The following STX8 variants were observed in gnomAD, a reference collection of about 807,000 sequenced individuals.
STX8 encodes the protein syntaxin 8, also known as syntaxin-8.
In STX8, 23 loss-of-function variants were observed where a neutral mutation model predicts 37.5. The observed-to-expected ratio is 0.61, with a 90% CI of 0.44 to 0.87. The LOEUF (loss-of-function observed/expected upper bound fraction) is 0.87, where lower values mean the gene tolerates loss of function less well. Ranked by LOEUF, STX8 falls within the 40% of genes least tolerant of loss-of-function variation. The probability of loss-of-function intolerance (pLI) is 0.00; values close to 1 mark genes in which losing one functional copy is unlikely to be tolerated. For synonymous variants in STX8, 115 were observed against 99.1 expected, an observed-to-expected ratio of 1.16 and a Z score of -0.95; for missense variants, 313 against 284.7, an observed-to-expected ratio of 1.10 and a Z score of -0.71.
At chr17:9,529,707 T>A (rs1227256426) in intron 4 of STX8, among the ~76,000 whole-genome samples, 1 of 152,202 alleles carries the variant, frequency 6.6e-6, no homozygotes, top group Non-Finnish European at 1.5e-5. Context: ...ATCCATAGTG[T>A]GGTGTACAGT....
At chr17:9,544,344 C>T (rs544795014) in intron 4 of STX8, among the ~76,000 whole-genome samples, 1 of 152,078 alleles carries the variant, frequency 6.6e-6, no homozygotes, top group African/African-American at 2.4e-5. Context: ...AAGCCCGACC[C>T]GTCCTCCAGG....
At chr17:9,409,794 A>T (rs555732940) in intron 6 of STX8, among the ~76,000 whole-genome samples, 1 of 130,844 alleles carries the variant, frequency 7.6e-6, no homozygotes. Context: ...CACTGGGGGG[A>T]AAAAAAGCCA....
intron 7 of STX8, among the ~76,000 whole-genome samples, chr17:9,343,976 T>C (rs866626507): frequency 6.6e-6 from 1 of 152,110 alleles, no homozygotes; most frequent in South Asian, 2.1e-4. Context: ...AAAGAGTAAA[T>C]AGGTTACATG....
intron 5 of STX8, among the ~76,000 whole-genome samples, chr17:9,500,221 A>G (rs1327969616): frequency 6.6e-6 from 1 of 152,240 alleles, no homozygotes; most frequent in Non-Finnish European, 1.5e-5. Context: ...CTTCTGCCCA[A>G]GATGGACTGA....
chr17:9,428,803 C>A (rs922664597), intron 6 of STX8, among the ~76,000 whole-genome samples: 1 of 152,084 alleles, frequency 6.6e-6, no homozygotes, highest in Non-Finnish European at 1.5e-5. Context: ...TTACCTTGTA[C>A]TTACAGTACA....
chr17:9,251,719 G>C (rs1484527092), intron 7 of STX8, among the ~76,000 whole-genome samples: 1 of 152,230 alleles, frequency 6.6e-6, no homozygotes, highest in Non-Finnish European at 1.5e-5. Context: ...GTGAACATAA[G>C]AGTCCAATTT....
intron 7 of STX8, among the ~76,000 whole-genome samples, chr17:9,253,595 G>GCTCA (rs1906673385): frequency 6.6e-6 from 1 of 152,114 alleles, no homozygotes. Flanking sequence ...CAGGGCCTGG[G>GCTCA]CTCACCCTAA....
At chr17:9,347,566 A>G (rs926887381) in intron 7 of STX8, among the ~76,000 whole-genome samples, 1 of 152,122 alleles carries the variant, frequency 6.6e-6, no homozygotes, top group Non-Finnish European at 1.5e-5. Context: ...CCCAGACTGG[A>G]GTGCAGTGGC....
intron 7 of STX8, among the ~76,000 whole-genome samples, chr17:9,264,342 T>A (rs1907152990): frequency 6.6e-6 from 1 of 152,208 alleles, no homozygotes; most frequent in Non-Finnish European, 1.5e-5. Context: ...TCTTACTCTG[T>A]CGCCCAGGCT....
At chr17:9,380,490 G>T (rs922907474) in intron 6 of STX8, among the ~76,000 whole-genome samples, 2 of 150,892 alleles carry the variant, frequency 1.3e-5, no homozygotes, top group Non-Finnish European at 3.0e-5. Context: ...CTGGCCTCAA[G>T]AGATCCTCTT....
At chr17:9,553,416 T>C (rs546634323) in intron 3 of STX8, 1 of 152,358 alleles carries the variant, frequency 6.6e-6, no homozygotes, top group African/African-American at 2.4e-5. Flanking sequence ...AATTTCATTG[T>C]TTAGAAAGCA....
At chr17:9,338,940 G>A (rs375400733) in intron 7 of STX8, among the ~76,000 whole-genome samples, 2 of 151,814 alleles carry the variant, frequency 1.3e-5, no homozygotes, top group African/African-American at 2.4e-5. Flanking sequence ...TTGTGGTGGC[G>A]GGTGCCTGTA....
At chr17:9,458,704 G>A (rs891604090) in intron 6 of STX8, among the ~76,000 whole-genome samples, 3 of 152,190 alleles carry the variant, frequency 2.0e-5, no homozygotes, top group Non-Finnish European at 4.4e-5. Flanking sequence ...TTAGAGGACT[G>A]ACTGCTCTTC....
rs1010090954 is a variant in STX8 at position 9,265,242 on chromosome 17, G to A, written c.644-14597C>T. Among the ~76,000 whole-genome samples, 14 of 152,216 alleles carry A rather than the reference G, an allele frequency of 9.2e-5. 1 individual carries two copies. Among genetic ancestry groups the A allele is most frequent in the African/African-American group, 3.1e-4 (13 of 41,532 alleles). ...ATTAATACTATAGATGTCCTAAAGA[G>A]TCAAAGTGAATATGAGATGGGCTCC... On this transcript the variant is annotated intron_variant, in intron 7 of 7. Transcript: ENST00000306357.
At chr17:9,509,752 C>T (rs1904963641) in intron 4 of STX8, among the ~76,000 whole-genome samples, 1 of 151,414 alleles carries the variant, frequency 6.6e-6, no homozygotes. Flanking sequence ...AATAAAATGA[C>T]AAGATAAGTC....
intron 6 of STX8, among the ~76,000 whole-genome samples, chr17:9,423,155 T>C (rs1567553741): frequency 6.6e-6 from 1 of 152,238 alleles, no homozygotes; most frequent in Non-Finnish European, 1.5e-5. Flanking sequence ...CGTTCACTTT[T>C]CATTTTGTAC....
At chr17:9,328,273 G>T (rs1423611822) in intron 7 of STX8, among the ~76,000 whole-genome samples, 1 of 149,012 alleles carries the variant, frequency 6.7e-6, no homozygotes, top group East Asian at 1.9e-4. Flanking sequence ...AGTTTCTATG[G>T]CCTGCCTTGA....
At chr17:9,447,173 A>C (rs1285298640) in intron 6 of STX8, among the ~76,000 whole-genome samples, 2 of 152,170 alleles carry the variant, frequency 1.3e-5, no homozygotes, top group Non-Finnish European at 2.9e-5. Flanking sequence ...TTGGCAGTCA[A>C]TCTAGAAAAC....
intron 6 of STX8, among the ~76,000 whole-genome samples, chr17:9,491,036 C>T (rs1277050565): frequency 6.6e-6 from 1 of 152,146 alleles, no homozygotes; most frequent in African/African-American, 2.4e-5. Flanking sequence ...TGTCACACGT[C>T]ACCTCTACAC....
Sources: gnomAD v4.1 joint callset for allele counts (sites outside exome capture counted in the v4.1 genomes callset) on GRCh38, gnomAD v4.1.1 for gene constraint, MANE v1.5 for transcripts, NCBI Gene and HGNC (gene_info 2026-07-23, HGNC 2026-07-21) for gene names.